RAC1: variants seen among roughly 807,000 people sequenced by gnomAD.
The protein encoded by RAC1 is Rac family small GTPase 1, also known as ras-related C3 botulinum toxin substrate 1.
RAC1 carries 2 observed loss-of-function variants against 25.2 expected under a neutral mutation model. The ratio of observed to expected loss-of-function variants is 0.08; its 90% CI spans 0.03 to 0.25. The LOEUF (loss-of-function observed/expected upper bound fraction) is 0.25, where lower values mean the gene tolerates loss of function less well. Ranked by LOEUF, RAC1 falls within the 10% of genes least tolerant of loss-of-function variation. The probability of loss-of-function intolerance (pLI) is 1.00; values close to 1 mark genes in which losing one functional copy is unlikely to be tolerated. For missense variants in RAC1, 50 were observed against 235.7 expected (o/e 0.21, Z 5.16); for synonymous variants, 88 against 94.0 (o/e 0.94, Z 0.37).
intron 1 of RAC1, among the ~76,000 whole-genome samples, chr7:6,379,512 A>G (rs898109702): frequency 1.3e-5 from 2 of 152,034 alleles, no homozygotes; most frequent in African/African-American, 4.8e-5. Context: ...ACCTCAGGTT[A>G]TCCACCTGCC....
intron 1 of RAC1, among the ~76,000 whole-genome samples, chr7:6,385,865 G>A (rs770876369): frequency 1.3e-5 from 2 of 152,178 alleles, no homozygotes; most frequent in Non-Finnish European, 2.9e-5. Context: ...CAGAGAGAAG[G>A]GCTCATTAAG....
chr7:6,384,237 G>C (rs1011212651), intron 1 of RAC1, among the ~76,000 whole-genome samples: 3 of 152,108 alleles, frequency 2.0e-5, no homozygotes, highest in Non-Finnish European at 4.4e-5. Context: ...TATGTTCACT[G>C]TCCAGTCCCC....
At chr7:6,402,272 AGTGGGGTCGAGTGTACATTGCC>A in intron 5 of RAC1, 22 bp from the exon 6 acceptor site, 1 of 1,562,850 alleles carries the variant, frequency 6.4e-7, no homozygotes, top group African/African-American at 1.4e-5. Context: ...ATCAGAAGAG[AGTGGGGTCGAGTGTACATTGCC>A]GTGTGGTCGT....
chr7:6,387,575 A>T (rs922788735), intron 2 of RAC1, among the ~76,000 whole-genome samples: 3 of 152,154 alleles, frequency 2.0e-5, no homozygotes, highest in Middle Eastern at 6.8e-3. Flanking sequence ...AATACAAAAA[A>T]TTAGCCAGGT....
intron 3 of RAC1, chr7:6,399,925 A>C: frequency 3.4e-6 from 2 of 586,902 alleles, no homozygotes; most frequent in Non-Finnish European, 6.1e-6. Flanking sequence ...CATTTTCATA[A>C]GTAACTGGTG....
intron 1 of RAC1, among the ~76,000 whole-genome samples, chr7:6,380,002 A>G (rs1782720140): frequency 6.6e-6 from 1 of 152,202 alleles, no homozygotes; most frequent in South Asian, 2.1e-4. Context: ...CACTCTTTAT[A>G]CAAAGTGGAG....
chr7:6,388,804 A>C (rs1782998807), intron 2 of RAC1, among the ~76,000 whole-genome samples: 3 of 152,206 alleles, frequency 2.0e-5, no homozygotes, highest in Admixed American at 2.0e-4. Flanking sequence ...TGGTGTTAAC[A>C]AACATTGCTG....
At position 6,403,912 on chromosome 7, in the gene RAC1, C is replaced by T. The variant is rs146672210; in HGVS notation, c.*1466C>T. Reference sequence around the variant, plus strand: ...GGAGTGTTTTTACATTGATCTTTTGCTAATGCAATTAGCATTATGTTTTGC... The same window carrying T: ...GGAGTGTTTTTACATTGATCTTTTGTTAATGCAATTAGCATTATGTTTTGC... On this transcript the variant is annotated 3_prime_UTR_variant, in exon 6 of 6. Transcript: ENST00000348035. 5.2e-4 allele frequency: 116 copies of T among 222,592 alleles called. 1 individual carries two copies. Among genetic ancestry groups the T allele is most frequent in the African/African-American group, 2.4e-3 (107 of 44,830 alleles). The allele number at this position is 222,592 out of a possible 1,614,324, so 13.8% of individuals were successfully genotyped here.
intron 3 of RAC1, chr7:6,398,596 G>A: frequency 7.4e-7 from 1 of 1,351,702 alleles, no homozygotes; most frequent in Non-Finnish European, 1.1e-6. Flanking sequence ...ATCGATAAGA[G>A]GTTATATTGA....
rs967560581 is a variant in RAC1 at position 6,392,192 on chromosome 7, A to C, written c.225+151A>C. ...AGGGTGGGATTGGTTCCATGTAAAC[A>C]TCCCCCTAGATGCAAGCCCAGGGGT... is the stretch of plus-strand genomic sequence containing the variant. On this transcript the variant is annotated intron_variant, in intron 3 of 5. Coordinates refer to ENST00000348035, the MANE Select transcript of RAC1 (RefSeq NM_006908.5). 14 of 1,351,594 alleles carry C rather than the reference A, an allele frequency of 1.0e-5. No homozygotes were observed. The South Asian group carries it at 1.4e-4, about 13-fold the overall frequency. 83.7% of individuals were successfully genotyped at this position (1,351,594 alleles called of 1,614,324 possible).
intron 1 of RAC1, among the ~76,000 whole-genome samples, chr7:6,379,397 G>C (rs1437117412): frequency 6.7e-6 from 1 of 148,286 alleles, no homozygotes; most frequent in South Asian, 2.1e-4. Context: ...GCCTCAGCTT[G>C]TCGAGTAGGT....
chr7:6,392,077 G>C (rs766732582), intron 3 of RAC1, 36 bp downstream of exon 3: 3 of 1,613,260 alleles, frequency 1.9e-6, no homozygotes, highest in African/African-American at 1.3e-5. Context: ...GTGTCTTTTA[G>C]AGTATATAAT....
chr7:6,375,854 C>T (rs188118099), intron 1 of RAC1: 2 of 152,004 alleles, frequency 1.3e-5, no homozygotes, highest in African/African-American at 4.8e-5. Flanking sequence ...TTTTTTCTCC[C>T]ATAGAAACAA....
intron 1 of RAC1, among the ~76,000 whole-genome samples, chr7:6,382,346 A>G (rs1782791619): frequency 6.6e-6 from 1 of 152,164 alleles, no homozygotes; most frequent in Admixed American, 6.6e-5. Context: ...TTGCAATTGT[A>G]ATTGTCATTG....
intron 2 of RAC1, among the ~76,000 whole-genome samples, chr7:6,389,566 G>C (rs1255216720): frequency 4.6e-5 from 7 of 151,988 alleles, no homozygotes; most frequent in African/African-American, 1.5e-4. Flanking sequence ...TATAATCCCA[G>C]CTATTCGGGA....
chr7:6,383,784 C>CTTTTTTTTTTTTTTTTTTT (rs34847745), intron 1 of RAC1, among the ~76,000 whole-genome samples: 6 of 39,800 alleles, frequency 1.5e-4, no homozygotes, highest in African/African-American at 4.2e-4. Flanking sequence ...CAACCTTTAT[C>CTTTTTTTTTTTTTTTTTTT]TTTTTTTTTT....
chr7:6,389,687 G>GA (rs920990843), intron 2 of RAC1, among the ~76,000 whole-genome samples: 41 of 147,680 alleles, frequency 2.8e-4, no homozygotes, highest in South Asian at 8.6e-4. Context: ...CTCCAAAAAA[G>GA]AAAAAAAAAA....
rs34532660 is a variant in RAC1, at chr7:6,395,829, T to G, written c.225+3788T>G. Among the ~76,000 whole-genome samples, 850 of 152,324 alleles carry G rather than the reference T, an allele frequency of 5.6e-3. 21 individuals carry two copies. Among genetic ancestry groups the G allele is most frequent in the East Asian group, 0.024 (123 of 5,190 alleles). Reference sequence around the variant, plus strand: ...GTCTGTGTGTTTTAAAATTCCAAACTTGAAAGTAAAATCCAGGTGGATAGC... The same window carrying G: ...GTCTGTGTGTTTTAAAATTCCAAACGTGAAAGTAAAATCCAGGTGGATAGC... On this transcript the variant is annotated intron_variant, in intron 3 of 5. Coordinates refer to ENST00000348035, the MANE Select transcript of RAC1 (RefSeq NM_006908.5).
intron 1 of RAC1, among the ~76,000 whole-genome samples, chr7:6,379,152 T>C (rs1410533664): frequency 1.3e-5 from 2 of 152,160 alleles, no homozygotes; most frequent in African/African-American, 4.8e-5. Flanking sequence ...TTATTATTTA[T>C]TTGTTTTTAT....
Sources: allele counts gnomAD v4.1 joint callset (sites outside exome capture counted in the v4.1 genomes callset), GRCh38; gene constraint gnomAD v4.1.1; transcripts MANE v1.5; gene names NCBI Gene and HGNC (gene_info 2026-07-23, HGNC 2026-07-21).